Variants in HOXD8 observed in about 807,000 individuals in gnomAD.
HOXD8 encodes the protein homeobox D8, also known as homeobox protein Hox-D8.
A neutral mutation model predicts 25.4 loss-of-function variants in HOXD8; 17 were observed. That is an observed-to-expected ratio of 0.67 (90% CI 0.46 to 1.00). The LOEUF is 1.00. Ranked by LOEUF, HOXD8 falls within the 50% of genes least tolerant of loss-of-function variation. The pLI is 0.00. For missense variants in HOXD8, 511 were observed against 398.5 expected (o/e 1.28, Z -2.40); for synonymous variants, 203 against 175.3 (o/e 1.16, Z -1.25).
At position 176,130,918 on chromosome 2, in the gene HOXD8, A is replaced by T. The variant is rs555382258; in HGVS notation, c.552A>T (p.Gln184His). The part of the protein sequence containing the change: ...DHLNQSSSPS[Q>H]MFPWMRPQAA... ...TAAATCAGAGCTCGTCTCCTTCTCA[A>T]ATGTTTCCGTGGATGAGACCACAAG... The change falls in exon 1 of 2, where the codon CAA becomes CAT. Residue 184 changes from glutamine to histidine, a missense_variant. By Grantham distance (24) the Gln-to-His change is conservative. Transcript: ENST00000313173. The T allele has an allele frequency of 2.5e-6, 4 of 1,596,810 alleles. No individual in the cohort carries two copies. In the Admixed American group the frequency reaches 5.1e-5, roughly 20 times the overall value.
chr2:176,130,721 C>G lies in HOXD8; in HGVS notation c.355C>G (p.Pro119Ala). 6.2e-7 allele frequency: 1 copy of G among 1,606,456 alleles called. No homozygotes were observed. The highest frequency in any genetic ancestry group is 2.3e-5 in the East Asian group (1 of 44,284). Residue 119 changes from proline to alanine, a missense_variant, in exon 1 of 2, where the codon CCG becomes GCG. Pro to Ala is a conservative substitution (Grantham distance 27). Transcript: ENST00000313173. ...PPPPPHPPPP[P>A]PPPPCGGIAC... ...TCCTCCTCCGCATCCTCCGCCTCCG[C>G]CGCCACCTCCCCCCTGCGGCGGGAT...
chr2:176,130,682 C>G lies in HOXD8; in HGVS notation c.316C>G (p.Gln106Glu). The change falls in exon 1 of 2, where the codon CAG (glutamine) becomes GAG (glutamate). Residue 106 changes from glutamine to glutamate, a missense_variant. Gln to Glu is a conservative substitution (Grantham distance 29). Transcript: ENST00000313173. ...CGGGGGCAGCCCGGCCGCTGCCTACCAGGCCGCCCCCCCTCCTCCTCCGCA... is the reference window on the plus strand; with the variant it reads ...CGGGGGCAGCCCGGCCGCTGCCTACGAGGCCGCCCCCCCTCCTCCTCCGCA... ...PGGGSPAAAY[Q>E]AAPPPPPHPP... 1 of 1,574,594 alleles carries G rather than the reference C, an allele frequency of 6.4e-7. No homozygotes were observed. The highest frequency in any genetic ancestry group is 8.6e-7 in the Non-Finnish European group (1 of 1,161,206).
At position 176,131,877 on chromosome 2, in the gene HOXD8, G is replaced by T; in HGVS notation, c.*265G>T. The T allele has an allele frequency of 3.1e-6, 1 of 327,368 alleles. No homozygotes were observed. Among genetic ancestry groups the T allele is most frequent in the Non-Finnish European group, 5.5e-6 (1 of 181,514 alleles). 20.3% of individuals were successfully genotyped at this position (327,368 alleles called of 1,614,324 possible). A position where few individuals can be genotyped will look rare whatever the true frequency, so the allele number is the denominator to read the frequency against. On this transcript the variant is annotated 3_prime_UTR_variant, in exon 2 of 2. Transcript: ENST00000313173. ...CTATATTTTTATAATGGTTTTTAAT[G>T]TCTGAGCTAGTGATTTGCCTCAACA...
In HOXD8 at chr2:176,130,298, GA is replaced by G; in HGVS notation, c.-68del. On this transcript the variant is annotated 5_prime_UTR_variant, in exon 1 of 2. Coordinates refer to ENST00000313173, the MANE Select transcript of HOXD8 (RefSeq NM_019558.4). ...CACAGGCCCCCGCGGCAGTGCGGCC[GA>G]GTCGAGGCTCGCTCTCTGGCTGCTT... 1 of 1,040,552 alleles carries G rather than the reference GA, an allele frequency of 9.6e-7. No homozygotes were observed. The allele number at this position is 1,040,552 out of a possible 1,614,324, so 64.5% of individuals were successfully genotyped here.
At chr2:176,131,264 C>T in intron 1 of HOXD8, 53 bp from the exon 2 acceptor site, 1 of 1,525,880 alleles carries the variant, frequency 6.6e-7, no homozygotes, top group Non-Finnish European at 8.8e-7. Context: ...GCAGAGGTAC[C>T]ATAACATTTT....
In HOXD8 at chr2:176,132,526, C is replaced by T. The variant is rs1690135547; in HGVS notation, c.*914C>T. 6.6e-6 allele frequency: 1 copy of T among 152,194 alleles called. No homozygotes were observed. The highest frequency in any genetic ancestry group is 2.4e-5 in the African/African-American group (1 of 41,430). 9.4% of individuals were successfully genotyped at this position (152,194 alleles called of 1,614,324 possible). Reference sequence around the variant, plus strand: ...CTGTTCGCCGCTGGTTTTAAACCAGCTTGCTGTGTGCATCTCAGACGTCGG... The same window carrying T: ...CTGTTCGCCGCTGGTTTTAAACCAGTTTGCTGTGTGCATCTCAGACGTCGG... On this transcript the variant is annotated 3_prime_UTR_variant, in exon 2 of 2. Transcript: ENST00000313173.
rs1690126372 is a variant in HOXD8, at chr2:176,132,027, AAATT to A, written c.*417_*420del. The A allele has an allele frequency of 6.4e-6, 1 of 155,422 alleles. No individual in the cohort carries two copies. Among genetic ancestry groups the A allele is most frequent in the Non-Finnish European group, 1.4e-5 (1 of 70,170 alleles). 9.6% of individuals were successfully genotyped at this position (155,422 alleles called of 1,614,324 possible). A position where few individuals can be genotyped will look rare whatever the true frequency, so the allele number is the denominator to read the frequency against. ...TTAAAAGGAGTTTATTAATTAAAAA[AAATT>A]ATGTCTGCAGAATACTTTATATTAT... On this transcript the variant is annotated 3_prime_UTR_variant, in exon 2 of 2. Transcript: ENST00000313173.
At position 176,130,361 on chromosome 2, in the gene HOXD8, G is replaced by C. The variant is rs769294806; in HGVS notation, c.-6G>C. The stretch of plus-strand genomic sequence containing the variant: ...CCCGCCCGGGGCCGCCGCCGCTGAC[G>C]CCCCAATGAGTTCGTACTTCGTGAA... On this transcript the variant is annotated 5_prime_UTR_variant, in exon 1 of 2. Transcript: ENST00000313173. The C allele has an allele frequency of 9.9e-6, 14 of 1,411,484 alleles. 2 individuals are homozygous for C. In the South Asian group the frequency reaches 1.6e-4, roughly 16 times the overall value. The allele number at this position is 1,411,484 out of a possible 1,614,324, so 87.4% of individuals were successfully genotyped here. A position where few individuals can be genotyped will look rare whatever the true frequency, so the allele number is the denominator to read the frequency against.
chr2:176,130,144 G>A lies in HOXD8; in HGVS notation c.-223G>A, dbSNP rs1032787369. 5 of 185,794 alleles carry A rather than the reference G, an allele frequency of 2.7e-5. No individual in the cohort carries two copies. Among genetic ancestry groups the A allele is most frequent in the African/African-American group, 7.1e-5 (3 of 42,094 alleles). The allele number at this position is 185,794 out of a possible 1,614,324, so 11.5% of individuals were successfully genotyped here. A position where few individuals can be genotyped will look rare whatever the true frequency, so the allele number is the denominator to read the frequency against. On this transcript the variant is annotated 5_prime_UTR_variant, in exon 1 of 2. Coordinates refer to ENST00000313173, the MANE Select transcript of HOXD8 (RefSeq NM_019558.4). ...GCGGCGCGAAGCCGAGGCGGCGGGC[G>A]CAAGAGCCGGGCATGAGCGCCCAGT...
Position 176,130,153 on chromosome 2 carries a change from G to T in HOXD8, c.-214G>T. ...AGCCGAGGCGGCGGGCGCAAGAGCC[G>T]GGCATGAGCGCCCAGTAGCTGAGCG... is the stretch of plus-strand genomic sequence containing the variant. On this transcript the variant is annotated 5_prime_UTR_variant, in exon 1 of 2. Transcript: ENST00000313173. The T allele has an allele frequency of 5.0e-6, 1 of 199,104 alleles. No individual in the cohort carries two copies. Among genetic ancestry groups the T allele is most frequent in the Non-Finnish European group, 9.9e-6 (1 of 100,688 alleles). The allele number at this position is 199,104 out of a possible 1,614,324, so 12.3% of individuals were successfully genotyped here.
rs546555080 is a variant in HOXD8 at position 176,131,297 on chromosome 2, T to C, written c.578-20T>C. 1,717 of 1,457,100 alleles carry C rather than the reference T, an allele frequency of 1.2e-3. 10 individuals carry two copies. The highest frequency in any genetic ancestry group is 2.5e-3 in the African/African-American group (168 of 66,506). The allele number at this position is 1,457,100 out of a possible 1,614,324, so 90.3% of individuals were successfully genotyped here. On this transcript the variant is annotated intron_variant, in intron 1 of 1. Transcript: ENST00000313173. Reference sequence around the variant, plus strand: ...TTTTAAAACTTTTATTCCCCCCCCCTTTTTTTTTGTTTTAATCAGCAGCTC... The same window carrying C: ...TTTTAAAACTTTTATTCCCCCCCCCCTTTTTTTTGTTTTAATCAGCAGCTC...
chr2:176,130,926 C>G lies in HOXD8; in HGVS notation c.560C>G (p.Pro187Arg), dbSNP rs142220242. 3 of 1,591,190 alleles carry G rather than the reference C, an allele frequency of 1.9e-6. No individual in the cohort carries two copies. The South Asian group carries it at 3.4e-5, about 18-fold the overall frequency. ...AGCTCGTCTCCTTCTCAAATGTTTCCGTGGATGAGACCACAAGGTTGGGAT... is the reference window on the plus strand; with the variant it reads ...AGCTCGTCTCCTTCTCAAATGTTTCGGTGGATGAGACCACAAGGTTGGGAT... ...NQSSSPSQMF[P>R]WMRPQAAPGR... Residue 187 changes from proline to arginine, a missense_variant, in exon 1 of 2, where the codon CCG becomes CGG. By Grantham distance (103) the Pro-to-Arg change is moderately radical (BLOSUM62 -2). Coordinates refer to ENST00000313173, the MANE Select transcript of HOXD8 (RefSeq NM_019558.4).
At position 176,130,737 on chromosome 2, in the gene HOXD8, G is replaced by T; in HGVS notation, c.371G>T (p.Cys124Phe). ...CCGCCTCCGCCGCCACCTCCCCCCT[G>T]CGGCGGGATTGCCTGTCACGGGGAG... ...HPPPPPPPPPCGGIACHGEPA... is the reference protein window; with the variant it reads ...HPPPPPPPPPFGGIACHGEPA... Residue 124 changes from cysteine (C) to phenylalanine (F), a missense_variant, in exon 1 of 2, where the codon TGC (cysteine) becomes TTC (phenylalanine). Cys to Phe is a radical substitution (Grantham distance 205, BLOSUM62 -2). Transcript: ENST00000313173. 1 of 1,608,922 alleles carries T rather than the reference G, an allele frequency of 6.2e-7. No individual in the cohort carries two copies. Among genetic ancestry groups the T allele is most frequent in the Non-Finnish European group, 8.5e-7 (1 of 1,177,354 alleles).
In HOXD8 at chr2:176,130,769, A is replaced by G; in HGVS notation, c.403A>G (p.Lys135Glu). ...GATTGCCTGTCACGGGGAGCCCGCG[A>G]AGTTTTACGGATACGATAACTTACA... Reference protein sequence around the residue: ...GGIACHGEPAKFYGYDNLQRQ... With the variant: ...GGIACHGEPAEFYGYDNLQRQ... The change falls in exon 1 of 2, where the codon AAG becomes GAG. Residue 135 changes from lysine (K) to glutamate (E), a missense_variant. Coordinates refer to ENST00000313173, the MANE Select transcript of HOXD8 (RefSeq NM_019558.4). 6.2e-7 allele frequency: 1 copy of G among 1,611,190 alleles called. No homozygotes were observed. Among genetic ancestry groups the G allele is most frequent in the Non-Finnish European group, 8.5e-7 (1 of 1,178,872 alleles).
rs1192861125 is a variant in HOXD8 at position 176,131,396 on chromosome 2, C to T, written c.657C>T (p.Asn219=). 1 of 1,500,718 alleles carries T rather than the reference C, an allele frequency of 6.7e-7. No homozygotes were observed. Among genetic ancestry groups the T allele is most frequent in the Admixed American group, 1.8e-5 (1 of 56,558 alleles). 93.0% of individuals were successfully genotyped at this position (1,500,718 alleles called of 1,614,324 possible). ...AGTTGGAAAAGGAATTTCTTTTTAA[C>T]CCCTATCTGACCAGGAAAAGAAGAA... is the stretch of plus-strand genomic sequence containing the variant. ...TLELEKEFLF[N]PYLTRKRRIE... Residue 219 remains asparagine, a synonymous_variant, in exon 2 of 2, where the codon AAC becomes AAT. Transcript: ENST00000313173.
At position 176,131,476 on chromosome 2, in the gene HOXD8, A is replaced by G. The variant is rs1281817507; in HGVS notation, c.737A>G (p.Gln246Arg). ...GAGAGACAGGTAAAAATCTGGTTCCAGAACAGGAGAATGAAATGGAAAAAG... is the reference window on the plus strand; with the variant it reads ...GAGAGACAGGTAAAAATCTGGTTCCGGAACAGGAGAATGAAATGGAAAAAG... Reference protein sequence around the residue: ...LTERQVKIWFQNRRMKWKKEN... With the variant: ...LTERQVKIWFRNRRMKWKKEN... Residue 246 changes from glutamine to arginine, a missense_variant, in exon 2 of 2, where the codon CAG (glutamine) becomes CGG (arginine). Physicochemically the swap from Gln to Arg is conservative, Grantham distance 43. Coordinates refer to ENST00000313173, the MANE Select transcript of HOXD8 (RefSeq NM_019558.4). 4 of 1,613,986 alleles carry G rather than the reference A, an allele frequency of 2.5e-6. No homozygotes were observed. Among genetic ancestry groups the G allele is most frequent in the Non-Finnish European group, 3.4e-6 (4 of 1,179,950 alleles).
In HOXD8 at chr2:176,130,477, G is replaced by T. The variant is rs564372581; in HGVS notation, c.111G>T (p.Ala37=). ...CCACTTACTACGACTGTCACTTCGCGCCCGAGGTCGGCGGCCGTCACGCCG... is the reference window on the plus strand; with the variant it reads ...CCACTTACTACGACTGTCACTTCGCTCCCGAGGTCGGCGGCCGTCACGCCG... ...INPTYYDCHF[A]PEVGGRHAAA... Residue 37 remains alanine (A), a synonymous_variant, in exon 1 of 2, where the codon GCG becomes GCT. Coordinates refer to ENST00000313173, the MANE Select transcript of HOXD8 (RefSeq NM_019558.4). 7.3e-5 allele frequency: 109 copies of T among 1,491,642 alleles called. No homozygotes were observed. In the South Asian group the frequency reaches 1.0e-3, roughly 14 times the overall value. 92.4% of individuals were successfully genotyped at this position (1,491,642 alleles called of 1,614,324 possible). A position where few individuals can be genotyped will look rare whatever the true frequency, so the allele number is the denominator to read the frequency against.
chr2:176,130,506 C>T lies in HOXD8; in HGVS notation c.140C>T (p.Ala47Val). ...GAGGTCGGCGGCCGTCACGCCGCCG[C>T]CGCAGCAGCCCTGCAGCTCTATGGC... ...APEVGGRHAAAAAALQLYGNS... is the reference protein window; with the variant it reads ...APEVGGRHAAVAAALQLYGNS... Residue 47 changes from alanine (A) to valine (V), a missense_variant, in exon 1 of 2, where the codon GCC becomes GTC. Physicochemically the swap from Ala to Val is moderately conservative, Grantham distance 64. Transcript: ENST00000313173. 1 of 1,491,872 alleles carries T rather than the reference C, an allele frequency of 6.7e-7. No individual in the cohort carries two copies. The highest frequency in any genetic ancestry group is 1.5e-5 in the African/African-American group (1 of 68,728). 92.4% of individuals were successfully genotyped at this position (1,491,872 alleles called of 1,614,324 possible). A position where few individuals can be genotyped will look rare whatever the true frequency, so the allele number is the denominator to read the frequency against.
chr2:176,129,723 C>A lies in HOXD8; in HGVS notation c.-644C>A. The A allele has an allele frequency of 2.7e-6, 1 of 367,508 alleles. No individual in the cohort carries two copies. The highest frequency in any genetic ancestry group is 2.2e-5 in the African/African-American group (1 of 46,472). The allele number at this position is 367,508 out of a possible 1,614,324, so 22.8% of individuals were successfully genotyped here. A position where few individuals can be genotyped will look rare whatever the true frequency, so the allele number is the denominator to read the frequency against. Reference sequence around the variant, plus strand: ...CGGATCCCTCCGCGGGGCTCCTCGTCCCCGTCACGCTGACTTTCCGTGCAG... The same window carrying A: ...CGGATCCCTCCGCGGGGCTCCTCGTACCCGTCACGCTGACTTTCCGTGCAG... On this transcript the variant is annotated 5_prime_UTR_variant, in exon 1 of 2. Coordinates refer to ENST00000313173, the MANE Select transcript of HOXD8 (RefSeq NM_019558.4).
Sources: allele counts gnomAD v4.1 joint callset, GRCh38; gene constraint gnomAD v4.1.1; transcripts MANE v1.5; gene names NCBI Gene and HGNC (gene_info 2026-07-23, HGNC 2026-07-21).